Variants in TRHDE observed in about 807,000 individuals in gnomAD.
The protein encoded by TRHDE is thyrotropin-releasing hormone-degrading ectoenzyme.
In TRHDE, 72 loss-of-function variants were observed where a neutral mutation model predicts 125.7. The ratio of observed to expected loss-of-function variants is 0.57; its 90% CI spans 0.47 to 0.70. The LOEUF is 0.70. TRHDE is among the 30% of genes least tolerant of loss of function. The pLI, the probability that TRHDE is intolerant of heterozygous loss-of-function variation, is 0.00. For missense variants in TRHDE, 1,110 were observed against 1,327.1 expected (o/e 0.84, Z 2.54); for synonymous variants, 509 against 509.1 (o/e 1.00, Z 0.00).
intron 3 of TRHDE, among the ~76,000 whole-genome samples, chr12:72,395,424 T>A (rs1872750891): frequency 6.6e-6 from 1 of 152,116 alleles, no homozygotes; most frequent in African/African-American, 2.4e-5. Flanking sequence ...AACATCTTCA[T>A]TTCAAACATC....
chr12:72,516,137 G>C (rs1286233132), intron 6 of TRHDE, among the ~76,000 whole-genome samples: 2 of 151,224 alleles, frequency 1.3e-5, no homozygotes, highest in East Asian at 3.9e-4. Flanking sequence ...GCTCTTTTTT[G>C]GTTCCATATG....
intron 1 of TRHDE, among the ~76,000 whole-genome samples, chr12:72,096,538 T>A (rs1406171069): frequency 6.6e-6 from 1 of 152,184 alleles, no homozygotes; most frequent in Admixed American, 6.5e-5. Flanking sequence ...ATGCCAAAGA[T>A]GGCAAAAAAG....
At chr12:72,283,303 T>C (rs1879763014) in intron 1 of TRHDE, among the ~76,000 whole-genome samples, 1 of 152,310 alleles carries the variant, frequency 6.6e-6, no homozygotes. Flanking sequence ...ATTTTACGTC[T>C]GATTTTTGTT....
intron 6 of TRHDE, among the ~76,000 whole-genome samples, chr12:72,534,666 T>C (rs187406122): frequency 1.3e-4 from 20 of 152,272 alleles, no homozygotes; most frequent in Admixed American, 2.6e-4. Flanking sequence ...AAGTACTTTA[T>C]ATGAATAATT....
At chr12:72,630,177 C>G (rs10161472) in intron 15 of TRHDE, among the ~76,000 whole-genome samples, 10,630 of 151,646 alleles carry the variant, frequency 0.07, 432 homozygotes, top group Middle Eastern at 0.11. Context: ...AAGATGCCTT[C>G]AAATCCTAAT....
At chr12:72,594,354 C>T (rs909329811) in intron 12 of TRHDE, among the ~76,000 whole-genome samples, 4 of 151,602 alleles carry the variant, frequency 2.6e-5, no homozygotes, top group Non-Finnish European at 4.4e-5. Flanking sequence ...CTGACCACTT[C>T]GAGAAACCCC....
At chr12:72,206,386 C>T (rs1381447919) in intron 2 of TRHDE, among the ~76,000 whole-genome samples, 1 of 152,200 alleles carries the variant, frequency 6.6e-6, no homozygotes, top group African/African-American at 2.4e-5. Context: ...AGCCACCACA[C>T]CCAGCAGGAC....
chr12:72,339,110 G>T lies in TRHDE; in HGVS notation c.1189-38885G>T, dbSNP rs191448669. ...TCACTTTAACTGAATTTCCAGCACG[G>T]TGGAGCAATCCCTATGTAAAAGTCC... is the stretch of plus-strand genomic sequence containing the variant. On this transcript the variant is annotated intron_variant, in intron 2 of 18. Coordinates refer to ENST00000261180, the MANE Select transcript of TRHDE (RefSeq NM_013381.3). Among the ~76,000 whole-genome samples the T allele has an allele frequency of 4.1e-4, 63 of 152,196 alleles. 1 individual carries two copies. The East Asian group carries it at 0.011, about 27-fold the overall frequency.
intron 2 of TRHDE, among the ~76,000 whole-genome samples, chr12:72,292,979 G>A (rs976665912): frequency 2.0e-5 from 3 of 152,178 alleles, no homozygotes; most frequent in Non-Finnish European, 4.4e-5. Context: ...CACGATGTCT[G>A]AGGTCTCAGT....
chr12:72,248,350 G>A (rs1178350291), intron 2 of TRHDE, among the ~76,000 whole-genome samples: 5 of 150,048 alleles, frequency 3.3e-5, no homozygotes, highest in African/African-American at 7.4e-5. Context: ...CTCGGGAGGC[G>A]GAGGTTGCAG....
At chr12:72,548,707 G>A (rs1324748589) in intron 7 of TRHDE, among the ~76,000 whole-genome samples, 1 of 151,188 alleles carries the variant, frequency 6.6e-6, no homozygotes, top group Non-Finnish European at 1.5e-5. Context: ...CTGTAATTAT[G>A]AAATCCTCAC....
At chr12:72,495,691 C>A (rs1216364246) in intron 5 of TRHDE, among the ~76,000 whole-genome samples, 1 of 151,996 alleles carries the variant, frequency 6.6e-6, no homozygotes, top group Admixed American at 6.6e-5. Context: ...TCAAATGCTG[C>A]ACAATATCTG....
At chr12:72,605,749 G>C (rs1447288097) in intron 12 of TRHDE, among the ~76,000 whole-genome samples, 1 of 152,042 alleles carries the variant, frequency 6.6e-6, no homozygotes, top group Non-Finnish European at 1.5e-5. Flanking sequence ...TTACTAAGAT[G>C]AGAGAAGGTG....
intron 6 of TRHDE, among the ~76,000 whole-genome samples, chr12:72,520,757 G>A (rs1307588797): frequency 2.0e-5 from 3 of 152,170 alleles, no homozygotes; most frequent in African/African-American, 7.2e-5. Flanking sequence ...TAGAAATGGA[G>A]CTCTGGGTTC....
At position 72,226,055 on chromosome 12, in the gene TRHDE, A is replaced by G. The variant is rs181823993; in HGVS notation, n.279+120303A>G. ...ACCACAGATTAGCTGGATGCTAATGATATGAATGCCATCTGCAGAACAGTC... is the reference window on the plus strand; with the variant it reads ...ACCACAGATTAGCTGGATGCTAATGGTATGAATGCCATCTGCAGAACAGTC... On this transcript the variant is annotated intron_variant and non_coding_transcript_variant, in intron 2 of 4. Coordinates refer to the TRHDE transcript ENST00000548156. Among the ~76,000 whole-genome samples, 6 of 152,356 alleles carry G rather than the reference A, an allele frequency of 3.9e-5. No individual in the cohort carries two copies. The East Asian group carries it at 9.6e-4, about 24-fold the overall frequency.
intron 3 of TRHDE, among the ~76,000 whole-genome samples, chr12:72,422,975 G>A (rs929128426): frequency 4.6e-5 from 7 of 152,036 alleles, no homozygotes; most frequent in African/African-American, 1.7e-4. Flanking sequence ...TTCATTATAA[G>A]TTACCCAGTC....
chr12:72,651,647 A>G (rs1874511506), intron 15 of TRHDE, among the ~76,000 whole-genome samples: 1 of 152,054 alleles, frequency 6.6e-6, no homozygotes, highest in South Asian at 2.1e-4. Flanking sequence ...AAGGCAAAGT[A>G]GGGATGAAAA....
intron 14 of TRHDE, 40 bp from the exon 15 acceptor site, chr12:72,621,604 A>C (rs1476921286): frequency 6.9e-7 from 1 of 1,455,476 alleles, no homozygotes; most frequent in East Asian, 2.4e-5. Context: ...GAATTTCCCT[A>C]ACTTTCTTTT....
intron 3 of TRHDE, among the ~76,000 whole-genome samples, chr12:72,418,210 T>C (rs186814449): frequency 6.6e-6 from 1 of 152,200 alleles, no homozygotes; most frequent in African/African-American, 2.4e-5. Flanking sequence ...ATCAAAGTTT[T>C]CATTACTTCA....
Sources: allele counts gnomAD v4.1 joint callset (sites outside exome capture counted in the v4.1 genomes callset), GRCh38; gene constraint gnomAD v4.1.1; transcripts MANE v1.5; gene names NCBI Gene and HGNC (gene_info 2026-07-23, HGNC 2026-07-21).